RAB3C: variants seen among roughly 807,000 people sequenced by gnomAD.
RAB3C encodes the protein ras-related protein Rab-3C.
A neutral mutation model predicts 26.4 loss-of-function variants in RAB3C; 17 were observed. The ratio of observed to expected loss-of-function variants is 0.64; its 90% CI spans 0.44 to 0.97. RAB3C has a LOEUF of 0.97. RAB3C is among the 50% of genes least tolerant of loss of function. The pLI is 0.00. For synonymous variants in RAB3C, 91 were observed against 95.9 expected, an observed-to-expected ratio of 0.95 and a Z score of 0.30; for missense variants, 242 against 281.9, an observed-to-expected ratio of 0.86 and a Z score of 1.01.
intron 3 of RAB3C, among the ~76,000 whole-genome samples, chr5:58,818,164 A>C (rs771792539): frequency 6.6e-6 from 1 of 152,190 alleles, no homozygotes; most frequent in Non-Finnish European, 1.5e-5. Context: ...ATTAAGCAAA[A>C]GTCTGTCATT....
intron 2 of RAB3C, among the ~76,000 whole-genome samples, chr5:58,665,228 T>A (rs1747979798): frequency 6.6e-6 from 1 of 151,826 alleles, no homozygotes; most frequent in Non-Finnish European, 1.5e-5. Context: ...ACAAAAAAAA[T>A]CATTATATAT....
rs564578697 is a variant in RAB3C, at chr5:58,857,401, T to C, written c.*6050T>C. On this transcript the variant is annotated 3_prime_UTR_variant, in exon 5 of 5. Transcript: ENST00000282878. ...ACAGAATGGCTGTTCATTTATTTTA[T>C]AAAAGCATCTCCTTCTATAACTCAA... is the stretch of plus-strand genomic sequence containing the variant. 2.0e-5 allele frequency: 3 copies of C among 152,316 alleles called. No homozygotes were observed. The highest frequency in any genetic ancestry group is 6.5e-5 in the Admixed American group (1 of 15,296). The allele number at this position is 152,316 out of a possible 1,614,324, so 9.4% of individuals were successfully genotyped here.
intron 3 of RAB3C, among the ~76,000 whole-genome samples, chr5:58,816,701 T>C (rs1743225479): frequency 6.6e-6 from 1 of 152,096 alleles, no homozygotes; most frequent in Non-Finnish European, 1.5e-5. Context: ...AAACCACCTA[T>C]AGTGACAGGC....
chr5:58,587,954 A>C (rs561860043), intron 1 of RAB3C, among the ~76,000 whole-genome samples: 8 of 152,298 alleles, frequency 5.3e-5, no homozygotes, highest in Non-Finnish European at 8.8e-5. Flanking sequence ...GAACAAAAAA[A>C]TATGTTCTTG....
At chr5:58,604,885 G>A (rs950370618) in intron 1 of RAB3C, among the ~76,000 whole-genome samples, 8 of 152,192 alleles carry the variant, frequency 5.3e-5, no homozygotes, top group Non-Finnish European at 1.2e-4. Context: ...CCTTCTCCCT[G>A]TGGAGTTTTA....
chr5:58,660,850 T>C (rs1747890219), intron 2 of RAB3C, among the ~76,000 whole-genome samples: 1 of 150,076 alleles, frequency 6.7e-6, no homozygotes, highest in South Asian at 2.1e-4. Flanking sequence ...TTACCTGGCA[T>C]GGACTGAAAG....
chr5:58,586,382 A>T (rs1746008380), intron 1 of RAB3C, among the ~76,000 whole-genome samples: 1 of 152,064 alleles, frequency 6.6e-6, no homozygotes. Flanking sequence ...GAAGACATAA[A>T]TTGGTGGTGT....
At chr5:58,835,234 A>G (rs1039907620) in intron 4 of RAB3C, among the ~76,000 whole-genome samples, 3 of 152,018 alleles carry the variant, frequency 2.0e-5, no homozygotes, top group Admixed American at 6.6e-5. Flanking sequence ...GCAAATCCCT[A>G]TTTTACTGAG....
chr5:58,809,677 G>A (rs560054520), intron 3 of RAB3C, among the ~76,000 whole-genome samples: 1 of 152,220 alleles, frequency 6.6e-6, no homozygotes, highest in East Asian at 1.9e-4. Flanking sequence ...ACACGGTCAT[G>A]TGGGTGCCCC....
intron 4 of RAB3C, among the ~76,000 whole-genome samples, chr5:58,842,990 A>C (rs61293838): frequency 2.6e-5 from 4 of 152,206 alleles, no homozygotes; most frequent in Non-Finnish European, 5.9e-5. Context: ...GGGATGTACA[A>C]AGGTTAAGAG....
chr5:58,713,452 C>T (rs768218935), intron 2 of RAB3C, among the ~76,000 whole-genome samples: 1 of 152,180 alleles, frequency 6.6e-6, no homozygotes, highest in Non-Finnish European at 1.5e-5. Flanking sequence ...GTGATCTTGA[C>T]CTACATGAGT....
chr5:58,818,493 A>T (rs1743266562), intron 3 of RAB3C, among the ~76,000 whole-genome samples: 1 of 152,070 alleles, frequency 6.6e-6, no homozygotes, highest in Non-Finnish European at 1.5e-5. Flanking sequence ...AGAAAGCTTG[A>T]GGTATTTGTT....
chr5:58,793,581 CTT>C (rs55954473), intron 3 of RAB3C, among the ~76,000 whole-genome samples: 1 of 138,292 alleles, frequency 7.2e-6, no homozygotes, highest in African/African-American at 2.7e-5. Context: ...CATTTTGCCA[CTT>C]TTTTTTTTTT....
chr5:58,718,194 G>A lies in RAB3C; in HGVS notation c.253-7808G>A, dbSNP rs369702689. 5.3e-5 allele frequency among the ~76,000 whole-genome samples: 8 copies of A among 152,090 alleles called. No homozygotes were observed. The East Asian group carries it at 1.4e-3, about 26-fold the overall frequency. Reference sequence around the variant, plus strand: ...GTATGTCAAAAAGATTAATTAGAAGGAAAGCAAAAATGATGTCTTCTCCTG... The same window carrying A: ...GTATGTCAAAAAGATTAATTAGAAGAAAAGCAAAAATGATGTCTTCTCCTG... On this transcript the variant is annotated intron_variant, in intron 2 of 4. Transcript: ENST00000282878.
At chr5:58,687,678 G>C (rs1748473919) in intron 2 of RAB3C, among the ~76,000 whole-genome samples, 1 of 152,068 alleles carries the variant, frequency 6.6e-6, no homozygotes, top group South Asian at 2.1e-4. Context: ...ACCTAGAGAG[G>C]AGGTAGCTTA....
intron 3 of RAB3C, among the ~76,000 whole-genome samples, chr5:58,813,592 T>TTATATA (rs869039335): frequency 0.024 from 1,109 of 46,850 alleles, 12 homozygotes; most frequent in Middle Eastern, 0.043. Context: ...ATATTTATAT[T>TTATATA]TATATATATA....
chr5:58,633,246 A>G (rs1747222124), intron 2 of RAB3C, among the ~76,000 whole-genome samples: 1 of 152,216 alleles, frequency 6.6e-6, no homozygotes, highest in Non-Finnish European at 1.5e-5. Context: ...CCATTGCTCT[A>G]CAACATCTTT....
chr5:58,606,150 G>T (rs563734123), intron 1 of RAB3C, among the ~76,000 whole-genome samples: 1 of 152,288 alleles, frequency 6.6e-6, no homozygotes, highest in Admixed American at 6.5e-5. Flanking sequence ...CTAGCCAAGG[G>T]AAGCCATGAC....
At chr5:58,844,130 G>A (rs1351430321) in intron 4 of RAB3C, among the ~76,000 whole-genome samples, 2 of 152,172 alleles carry the variant, frequency 1.3e-5, no homozygotes, top group East Asian at 3.9e-4. Context: ...AAGGAATGAG[G>A]GGTGTTTGCT....
Sources: gnomAD v4.1 joint callset for allele counts (sites outside exome capture counted in the v4.1 genomes callset) on GRCh38, gnomAD v4.1.1 for gene constraint, MANE v1.5 for transcripts, NCBI Gene and HGNC (gene_info 2026-07-23, HGNC 2026-07-21) for gene names.